Variants in SLC4A1AP observed in about 807,000 individuals in gnomAD.
The protein encoded by SLC4A1AP is solute carrier family 4 member 1 adaptor protein, also known as kanadaptin.
A neutral mutation model predicts 89.7 loss-of-function variants in SLC4A1AP; 64 were observed. That is an observed-to-expected ratio of 0.71 (90% CI 0.58 to 0.88). SLC4A1AP has a LOEUF of 0.88. Among genes scored for constraint, SLC4A1AP ranks in the 40% least tolerant of loss-of-function variants. The probability of loss-of-function intolerance (pLI) is 0.00; values close to 1 mark genes in which losing one functional copy is unlikely to be tolerated. For missense variants in SLC4A1AP, 931 were observed against 965.0 expected, an observed-to-expected ratio of 0.96 and a Z score of 0.47; for synonymous variants, 366 against 353.3, an observed-to-expected ratio of 1.04 and a Z score of -0.40.
At chr2:27,681,585 A>G (rs1292485094) in intron 8 of SLC4A1AP, among the ~76,000 whole-genome samples, 1 of 152,042 alleles carries the variant, frequency 6.6e-6, no homozygotes, top group Admixed American at 6.6e-5. Context: ...TGCTCTGAGT[A>G]TCTTGTCAAC....
chr2:27,670,162 C>G (rs1339836135), intron 5 of SLC4A1AP, among the ~76,000 whole-genome samples: 1 of 151,990 alleles, frequency 6.6e-6, no homozygotes, highest in Non-Finnish European at 1.5e-5. Flanking sequence ...CGCACCTGGC[C>G]AATTTTTGTA....
intron 12 of SLC4A1AP, chr2:27,692,871 A>G (rs2148142556): frequency 1.3e-5 from 2 of 152,246 alleles, no homozygotes; most frequent in Middle Eastern, 3.4e-3. Flanking sequence ...CCTTTAGTCT[A>G]TAAGAAGCCT....
At chr2:27,692,127 G>A (rs1675798059) in intron 12 of SLC4A1AP, 1 of 152,164 alleles carries the variant, frequency 6.6e-6, no homozygotes, top group Admixed American at 6.6e-5. Flanking sequence ...ACTTCTTGAT[G>A]TAGGCATTTA....
intron 8 of SLC4A1AP, among the ~76,000 whole-genome samples, chr2:27,679,863 A>G (rs1215458211): frequency 1.3e-5 from 2 of 152,180 alleles, no homozygotes; most frequent in Non-Finnish European, 2.9e-5. Context: ...TTCATCTGCA[A>G]GTGATTTATT....
intron 6 of SLC4A1AP, among the ~76,000 whole-genome samples, chr2:27,676,984 C>T (rs1196908675): frequency 1.3e-5 from 2 of 151,740 alleles, no homozygotes; most frequent in Non-Finnish European, 2.9e-5. Flanking sequence ...ACTAAAAATA[C>T]AAAAAGTAGC....
At chr2:27,667,020 A>G (rs1414201230) in intron 2 of SLC4A1AP, among the ~76,000 whole-genome samples, 3 of 151,852 alleles carry the variant, frequency 2.0e-5, no homozygotes, top group East Asian at 3.9e-4. Flanking sequence ...GACACCCGCC[A>G]CTGTGCCCAG....
At chr2:27,669,008 A>C in intron 4 of SLC4A1AP, 105 bp downstream of exon 4, 10 of 1,219,358 alleles carry the variant, frequency 8.2e-6, no homozygotes, top group Non-Finnish European at 1.1e-5. Context: ...TCTAAGTTTA[A>C]GCTATTTCTA....
chr2:27,689,029 T>G (rs966796471), intron 12 of SLC4A1AP, among the ~76,000 whole-genome samples: 1 of 152,236 alleles, frequency 6.6e-6, no homozygotes, highest in African/African-American at 2.4e-5. Flanking sequence ...ATAAAGACAT[T>G]TGAATAACAT....
At chr2:27,666,976 T>G (rs551056713) in intron 2 of SLC4A1AP, among the ~76,000 whole-genome samples, 1 of 152,108 alleles carries the variant, frequency 6.6e-6, no homozygotes, top group Admixed American at 6.5e-5. Flanking sequence ...CAAGCAATTC[T>G]CCTGCCTCAG....
exon 8 of SLC4A1AP, chr2:27,677,880 G>C: frequency 6.2e-7 from 1 of 1,607,864 alleles, no homozygotes; most frequent in South Asian, 1.1e-5. Flanking sequence ...GACTTAAAGG[G>C]TTAATAAAAA....
chr2:27,688,025 G>A lies in SLC4A1AP; in HGVS notation c.2203+5G>A. On this transcript the variant is annotated splice_donor_5th_base_variant and intron_variant, in intron 11 of 13. Coordinates refer to ENST00000613058, the Ensembl canonical transcript of SLC4A1AP. Reference sequence around the variant, plus strand: ...CATTGTGCGCAGGACCCTCAGGCAAGTAGTACGGCAGCCTTCATTGCTGCT... The same window carrying A: ...CATTGTGCGCAGGACCCTCAGGCAAATAGTACGGCAGCCTTCATTGCTGCT... The A allele has an allele frequency of 1.9e-6, 3 of 1,612,658 alleles. No homozygotes were observed. The highest frequency in any genetic ancestry group is 2.5e-6 in the Non-Finnish European group (3 of 1,178,732).
At chr2:27,694,550 T>A (rs1173495504) in intron 13 of SLC4A1AP, 84 bp from the exon 14 acceptor site, 10 of 995,162 alleles carry the variant, frequency 1.0e-5, no homozygotes, top group Non-Finnish European at 1.4e-5. Flanking sequence ...ATTTTACTTT[T>A]TGGCCTACTG....
chr2:27,664,165 C>G (rs757799898), exon 1 of SLC4A1AP: 1 of 1,614,078 alleles, frequency 6.2e-7, no homozygotes, highest in Non-Finnish European at 8.5e-7. Flanking sequence ...CAGTCGCGCC[C>G]CCCGACAGCG....
At chr2:27,673,566 C>T (rs1380011789) in intron 5 of SLC4A1AP, among the ~76,000 whole-genome samples, 5 of 151,600 alleles carry the variant, frequency 3.3e-5, no homozygotes, top group Non-Finnish European at 5.9e-5. Flanking sequence ...GGGGCTCAAG[C>T]GATCCTCCCG....
intron 10 of SLC4A1AP, among the ~76,000 whole-genome samples, chr2:27,685,655 T>C (rs1399405666): frequency 6.6e-6 from 1 of 152,180 alleles, no homozygotes; most frequent in East Asian, 1.9e-4. Flanking sequence ...TATTCATTTT[T>C]TCCTCCATCC....
chr2:27,694,555 C>G (rs1433424141), intron 13 of SLC4A1AP, 79 bp from the exon 14 acceptor site: 4 of 1,063,722 alleles, frequency 3.8e-6, no homozygotes, highest in South Asian at 2.2e-5. Flanking sequence ...ACTTTTTGGC[C>G]TACTGATATC....
At chr2:27,669,675 A>G (rs1675389647) in intron 5 of SLC4A1AP, among the ~76,000 whole-genome samples, 1 of 152,092 alleles carries the variant, frequency 6.6e-6, no homozygotes, top group Non-Finnish European at 1.5e-5. Context: ...TAACATAAGA[A>G]TGTATCATGG....
exon 8 of SLC4A1AP, chr2:27,677,774 C>G: frequency 6.2e-7 from 1 of 1,610,620 alleles, no homozygotes; most frequent in Non-Finnish European, 8.5e-7. Flanking sequence ...TCTTTAGATG[C>G]GTTCATGTCA....
intron 1 of SLC4A1AP, 146 bp from the exon 2 acceptor site, chr2:27,664,954 G>C: frequency 1.7e-6 from 1 of 588,572 alleles, no homozygotes; most frequent in Non-Finnish European, 2.9e-6. Context: ...CTGCTCAGGA[G>C]GCTGAGGTGG....
Sources: allele counts gnomAD v4.1 joint callset (sites outside exome capture counted in the v4.1 genomes callset), GRCh38; gene constraint gnomAD v4.1.1; transcripts MANE v1.5; gene names NCBI Gene and HGNC (gene_info 2026-07-23, HGNC 2026-07-21).